PRRC2B: variants seen among roughly 807,000 people sequenced by gnomAD.
The protein encoded by PRRC2B is protein PRRC2B.
PRRC2B carries 68 observed loss-of-function variants against 242.3 expected under a neutral mutation model. The ratio of observed to expected loss-of-function variants is 0.28; its 90% CI spans 0.23 to 0.34. The LOEUF (loss-of-function observed/expected upper bound fraction) is 0.34, where lower values mean the gene tolerates loss of function less well. PRRC2B is among the 10% of genes least tolerant of loss of function. PRRC2B has a pLI of 1.00. For missense variants in PRRC2B, 2,835 were observed against 2,954.8 expected (o/e 0.96, Z 0.94); for synonymous variants, 1,228 against 1,173.6 (o/e 1.05, Z -0.95).
chr9:131,401,778 A>G (rs563616434), intron 1 of PRRC2B, among the ~76,000 whole-genome samples: 1 of 150,726 alleles, frequency 6.6e-6, no homozygotes, highest in East Asian at 2.0e-4. Context: ...CTCCTGCCTC[A>G]GCCTCCCGAG....
intron 1 of PRRC2B, among the ~76,000 whole-genome samples, chr9:131,412,467 TGTGCGTGC>T (rs59335079): frequency 0.01 from 1,549 of 152,214 alleles, 23 homozygotes; most frequent in Middle Eastern, 0.014. Flanking sequence ...AGTGCGGGTA[TGTGCGTGC>T]GTGCGTGCGT....
intron 9 of PRRC2B, among the ~76,000 whole-genome samples, chr9:131,453,284 G>A (rs1461371797): frequency 6.6e-6 from 1 of 152,066 alleles, no homozygotes; most frequent in Non-Finnish European, 1.5e-5. Flanking sequence ...CTTTATGTTT[G>A]TATTTAAAGT....
At chr9:131,384,908 TGGACAGGAA>T (rs1423232803) in intron 1 of PRRC2B, among the ~76,000 whole-genome samples, 3 of 152,166 alleles carry the variant, frequency 2.0e-5, no homozygotes, top group African/African-American at 4.8e-5. Flanking sequence ...AGCTGGAAGA[TGGACAGGAA>T]GTAACTGAGT....
chr9:131,474,519 T>G lies in PRRC2B; in HGVS notation c.2390T>G (p.Phe797Cys). Reference sequence around the variant, plus strand: ...GGCGTAAGTGCTCAGCGCGATCTCTTTGAGGAGAGAGGGGAGGAGTACTTG... The same window carrying G: ...GGCGTAAGTGCTCAGCGCGATCTCTGTGAGGAGAGAGGGGAGGAGTACTTG... ...AGGVSAQRDL[F>C]EERGEEYLSA... The change falls in exon 16 of 32, where the codon TTT (phenylalanine) becomes TGT (cysteine). Residue 797 changes from phenylalanine (F) to cysteine (C), a missense_variant. Physicochemically the swap from Phe to Cys is radical, Grantham distance 205. Around this residue, in one of 7 missense-constraint regions of PRRC2B, gnomAD observed 1,536 missense variants for 1,483.1 expected, o/e 1.04. Coordinates refer to ENST00000683519, the MANE Select transcript of PRRC2B (RefSeq NM_013318.4). 6.2e-7 allele frequency: 1 copy of G among 1,613,970 alleles called. No homozygotes were observed.
At chr9:131,460,559 A>T (rs1943212969) in intron 11 of PRRC2B, among the ~76,000 whole-genome samples, 1 of 152,120 alleles carries the variant, frequency 6.6e-6, no homozygotes, top group Non-Finnish European at 1.5e-5. Flanking sequence ...GCCAGGTTTC[A>T]TGCTGTAGAG....
chr9:131,423,605 TCTC>T (rs1837904650), intron 1 of PRRC2B, among the ~76,000 whole-genome samples: 1 of 152,296 alleles, frequency 6.6e-6, no homozygotes, highest in South Asian at 2.1e-4. Flanking sequence ...CAGTGAAAGA[TCTC>T]CTGACTGCCG....
intron 1 of PRRC2B, among the ~76,000 whole-genome samples, chr9:131,387,802 T>C (rs900335661): frequency 1.3e-5 from 2 of 150,664 alleles, no homozygotes; most frequent in African/African-American, 2.4e-5. Context: ...GAAGACTTCA[T>C]GTGACCACAA....
intron 1 of PRRC2B, among the ~76,000 whole-genome samples, chr9:131,373,971 A>C (rs955407163): frequency 6.6e-6 from 1 of 151,248 alleles, no homozygotes; most frequent in Non-Finnish European, 1.5e-5. Flanking sequence ...AGGCAGGAGA[A>C]TGGCGTGAAC....
rs1437291228 is a variant in PRRC2B, at chr9:131,476,070, G to A, written c.3941G>A (p.Arg1314Gln). 8.7e-6 allele frequency: 14 copies of A among 1,606,740 alleles called. No individual in the cohort carries two copies. The highest frequency in any genetic ancestry group is 4.5e-5 in the East Asian group (2 of 44,700). ...CGCCAAGATAAGCCCCCTCGATTCC[G>A]GCGCCTCCGGCAAGAGCGGGAGTCC... Reference protein sequence around the residue: ...PPRQDKPPRFRRLRQERESLG... With the variant: ...PPRQDKPPRFQRLRQERESLG... Residue 1314 changes from arginine (R) to glutamine (Q), a missense_variant, in exon 16 of 32, where the codon CGG (arginine) becomes CAG (glutamine). Arg to Gln is a conservative substitution (Grantham distance 43). Transcript: ENST00000683519.
rs978742444 is a variant in PRRC2B at position 131,409,079 on chromosome 9, A to G, written c.-52+14816A>G. Among the ~76,000 whole-genome samples, 8 of 150,164 alleles carry G rather than the reference A, an allele frequency of 5.3e-5. No individual in the cohort carries two copies. In the South Asian group the frequency reaches 6.3e-4, roughly 12 times the overall value. ...CTCTTGTCGCCCAGGCTGGAGTGCA[A>G]TGGCGCGATCTTGTCTCACTGCAAC... On this transcript the variant is annotated intron_variant, in intron 1 of 31. Coordinates refer to ENST00000683519, the MANE Select transcript of PRRC2B (RefSeq NM_013318.4).
intron 1 of PRRC2B, among the ~76,000 whole-genome samples, chr9:131,407,798 A>C (rs781465740): frequency 1.8e-4 from 27 of 152,214 alleles, no homozygotes; most frequent in Non-Finnish European, 3.5e-4. Flanking sequence ...GCTGTGGTAG[A>C]GTGAGGAGGG....
In PRRC2B at chr9:131,470,858, A is replaced by G; in HGVS notation, c.1982A>G (p.Tyr661Cys). The G allele has an allele frequency of 1.4e-6, 2 of 1,471,952 alleles. No individual in the cohort carries two copies. The highest frequency in any genetic ancestry group is 9.3e-7 in the Non-Finnish European group (1 of 1,076,846). The allele number at this position is 1,471,952 out of a possible 1,614,324, so 91.2% of individuals were successfully genotyped here. Reference sequence around the variant, plus strand: ...CCGTCCCACCCCCAGCGCACCTTTTACCCACACCACCCCCAGATGTTGGGC... The same window carrying G: ...CCGTCCCACCCCCAGCGCACCTTTTGCCCACACCACCCCCAGATGTTGGGC... The part of the protein sequence containing the change: ...PPPSHPQRTF[Y>C]PHHPQMLGFD... The change falls in exon 14 of 32, where the codon TAC becomes TGC. Residue 661 changes from tyrosine (Y) to cysteine (C), a missense_variant. Around this residue, in one of 7 missense-constraint regions of PRRC2B, gnomAD observed 1,536 missense variants for 1,483.1 expected, o/e 1.04. Coordinates refer to ENST00000683519, the MANE Select transcript of PRRC2B (RefSeq NM_013318.4).
chr9:131,447,051 C>T lies in PRRC2B; in HGVS notation c.856-34C>T. 2.5e-6 allele frequency: 4 copies of T among 1,612,544 alleles called. No individual in the cohort carries two copies. The South Asian group carries it at 4.4e-5, about 18-fold the overall frequency. ...GTGGAAATTGCAGTTTCAGCCATTA[C>T]CAGCAAATCCTGTTCATTGATGTTA... On this transcript the variant is annotated intron_variant, in intron 7 of 31. Coordinates refer to ENST00000683519, the MANE Select transcript of PRRC2B (RefSeq NM_013318.4).
intron 1 of PRRC2B, among the ~76,000 whole-genome samples, chr9:131,395,950 G>A (rs961529981): frequency 2.0e-5 from 3 of 152,180 alleles, no homozygotes; most frequent in African/African-American, 7.2e-5. Flanking sequence ...GCTTTCCTTG[G>A]GGATTGGCAG....
At position 131,430,244 on chromosome 9, in the gene PRRC2B, G is replaced by A. The variant is rs1212621247; in HGVS notation, c.100G>A (p.Ala34Thr). 1.3e-5 allele frequency: 20 copies of A among 1,592,952 alleles called. No individual in the cohort carries two copies. The highest frequency in any genetic ancestry group is 5.4e-5 in the African/African-American group (4 of 74,478). The change falls in exon 2 of 32, where the codon GCG becomes ACG. Residue 34 changes from alanine to threonine, a missense_variant. Ala to Thr is a moderately conservative substitution (Grantham distance 58, BLOSUM62 0). This residue lies in a region of PRRC2B where 626 missense variants were observed against 685.5 expected (regional missense o/e 0.91). Transcript: ENST00000683519. ...FDKYKGKSVDAIRSSVIPRHG... is the reference protein window; with the variant it reads ...FDKYKGKSVDTIRSSVIPRHG... ...TAAGTATAAAGGAAAATCAGTAGACGCGATTAGATCCTCAGGTAAGGCCCA... is the reference window on the plus strand; with the variant it reads ...TAAGTATAAAGGAAAATCAGTAGACACGATTAGATCCTCAGGTAAGGCCCA...
At chr9:131,441,882 CCT>C (rs1198829440) in intron 5 of PRRC2B, among the ~76,000 whole-genome samples, 3 of 152,182 alleles carry the variant, frequency 2.0e-5, no homozygotes, top group African/African-American at 7.2e-5. Flanking sequence ...GAAGAAGCCC[CCT>C]GACTTTCCTG....
At chr9:131,385,920 C>CCTGACCT (rs1217773689) in intron 1 of PRRC2B, among the ~76,000 whole-genome samples, 1 of 150,324 alleles carries the variant, frequency 6.7e-6, no homozygotes, top group African/African-American at 2.4e-5. Flanking sequence ...GTCTCAATCT[C>CCTGACCT]CTGACCTCGT....
chr9:131,443,752 T>C (rs1181102009), intron 5 of PRRC2B, among the ~76,000 whole-genome samples: 4 of 152,156 alleles, frequency 2.6e-5, no homozygotes, highest in African/African-American at 7.2e-5. Flanking sequence ...TTAATCCTTT[T>C]GGGGTGGACT....
At chr9:131,492,078 C>A in intron 29 of PRRC2B, 91 bp from the exon 30 acceptor site, 1 of 1,004,008 alleles carries the variant, frequency 1.0e-6, no homozygotes, top group Non-Finnish European at 1.6e-6. Context: ...CCATGGCCCT[C>A]ACCACCTCTG....
Sources: gnomAD v4.1 joint callset for allele counts (sites outside exome capture counted in the v4.1 genomes callset) on GRCh38, gnomAD v4.1.1 for gene constraint, gnomAD v4.1.1 regional missense constraint, MANE v1.5 for transcripts, NCBI Gene and HGNC (gene_info 2026-07-23, HGNC 2026-07-21) for gene names.